SYT8: variants seen among roughly 807,000 people sequenced by gnomAD.
The protein encoded by SYT8 is synaptotagmin 8, also known as synaptotagmin-8.
Under a neutral mutation model 34.9 loss-of-function variants are expected in SYT8, and 50 were observed. That is an observed-to-expected ratio of 1.43 (90% CI 1.14 to 1.81). SYT8 has a LOEUF of 1.81. Ranked by LOEUF, SYT8 falls within the 40% of genes most tolerant of loss-of-function variation. The pLI is 0.00. For missense variants in SYT8, 595 were observed against 529.0 expected (o/e 1.12, Z -1.22); for synonymous variants, 255 against 234.2 (o/e 1.09, Z -0.81).
chr11:1,834,812 A>G, upstream of SYT8: 1 of 662,156 alleles, frequency 1.5e-6, no homozygotes, highest in Non-Finnish European at 2.6e-6. The surrounding 1 kb of genome is among the most constrained non-coding windows in gnomAD (Gnocchi z 4.5). Context: ...GGCAGGGACT[A>G]GGCTGCCCAG....
chr11:1,834,150 T>G, upstream of SYT8: 1 of 238,132 alleles, frequency 4.2e-6, no homozygotes. This position sits in a 1 kb window ranked among gnomAD's most constrained non-coding sequence, Gnocchi z 4.5. Context: ...ACCCTGGGCC[T>G]GGGGTCACCG....
chr11:1,835,714 T>C, intron 2 of SYT8, 172 bp from the exon 3 acceptor site: 1 of 751,296 alleles, frequency 1.3e-6, no homozygotes. Flanking sequence ...TGCCACGTTT[T>C]GGGTGGGTTT....
upstream of SYT8, among the ~76,000 whole-genome samples, chr11:1,832,516 C>T (rs556221040): frequency 2.4e-4 from 36 of 152,298 alleles, no homozygotes; most frequent in African/African-American, 8.4e-4. Context: ...GGGGGATTCC[C>T]AGATCTGGGA....
upstream of SYT8, chr11:1,834,869 G>T (rs1846813836): frequency 3.2e-6 from 2 of 626,072 alleles, no homozygotes. The surrounding 1 kb of genome is among the most constrained non-coding windows in gnomAD (Gnocchi z 4.5). Context: ...AGGTGGCTGG[G>T]AGGCTGGGCC....
chr11:1,835,716 G>T, intron 2 of SYT8, 170 bp from the exon 3 acceptor site: 1 of 757,206 alleles, frequency 1.3e-6, no homozygotes, highest in Non-Finnish European at 2.2e-6. Context: ...CCACGTTTTG[G>T]GTGGGTTTGG....
Position 1,835,175 on chromosome 11 carries a change from C to T in SYT8, c.70C>T (p.Pro24Ser), listed in dbSNP as rs1164572680. ...AGTTAIPGLI[P>S]DLVAGTPWPR... Reference sequence around the variant, plus strand: ...CACCACAGCTATACCTGGGCTTATTCCAGACCTTGTCGCCGGGACCCCCTG... The same window carrying T: ...CACCACAGCTATACCTGGGCTTATTTCAGACCTTGTCGCCGGGACCCCCTG... Residue 24 changes from proline (P) to serine (S), a missense_variant, in exon 1 of 8, where the codon CCA becomes TCA. Physicochemically the swap from Pro to Ser is moderately conservative, Grantham distance 74 (BLOSUM62 -1). Transcript: ENST00000341958. 2 of 1,613,434 alleles carry T rather than the reference C, an allele frequency of 1.2e-6. No individual in the cohort carries two copies. Among genetic ancestry groups the T allele is most frequent in the African/African-American group, 1.3e-5 (1 of 75,062 alleles).
At chr11:1,832,029 A>G, upstream of SYT8, 1 of 338,108 alleles carries the variant, frequency 3.0e-6, no homozygotes, top group Non-Finnish European at 6.0e-6. Context: ...CCTGGAGGGA[A>G]GCATTAGCAA....
At chr11:1,835,512 T>A in intron 2 of SYT8, 53 bp downstream of exon 2, 1 of 1,596,386 alleles carries the variant, frequency 6.3e-7, no homozygotes, top group Non-Finnish European at 8.5e-7. Flanking sequence ...AAATCCAGGC[T>A]CCAGAGCCCA....
Position 1,836,694 on chromosome 11 carries a change from G to T in SYT8, c.685-62G>T, listed in dbSNP as rs1589791264. 8.1e-6 allele frequency: 13 copies of T among 1,595,300 alleles called. 1 individual carries two copies. In the South Asian group the frequency reaches 1.3e-4, roughly 16 times the overall value. On this transcript the variant is annotated intron_variant, in intron 5 of 7. Coordinates refer to ENST00000341958, the MANE Select transcript of SYT8 (RefSeq NM_001394072.1). ...GGCCTGATGGGCAGCATTTTCGGGG[G>T]TCTGAGCCCCAACTCGGCCAGAATC...
At position 1,837,420 on chromosome 11, in the gene SYT8, C is replaced by A. The variant is rs775248306; in HGVS notation, c.1153C>A (p.Pro385Thr). The A allele has an allele frequency of 1.2e-6, 2 of 1,605,774 alleles. No individual in the cohort carries two copies. The highest frequency in any genetic ancestry group is 2.2e-5 in the South Asian group (2 of 91,024). ...CCGCCTTCGCCTGCGCCTGCCCTTG[C>A]CCCACTCCTGAATGCACCACATGCC... is the stretch of plus-strand genomic sequence containing the variant. Reference protein sequence around the residue: ...QPRLRLRLPLPHS With the variant: ...QPRLRLRLPLTHS Residue 385 changes from proline to threonine, a missense_variant, in exon 8 of 8, where the codon CCC becomes ACC. Pro to Thr is a conservative substitution (Grantham distance 38). Coordinates refer to ENST00000341958, the MANE Select transcript of SYT8 (RefSeq NM_001394072.1).
rs1337627204 is a variant in SYT8 at position 1,837,074 on chromosome 11, C to T, written c.908C>T (p.Pro303Leu). The T allele has an allele frequency of 6.2e-7, 1 of 1,613,750 alleles. No homozygotes were observed. Among genetic ancestry groups the T allele is most frequent in the South Asian group, 1.1e-5 (1 of 91,082 alleles). ...AATGAGGCCTTCACCTTCCTGGTGC[C>T]CTTCAGCCAGGTCCAGGTGGGCCAC... ...YFNEAFTFLV[P>L]FSQVQNVDLV... Residue 303 changes from proline to leucine, a missense_variant, in exon 7 of 8, where the codon CCC becomes CTC. By Grantham distance (98) the Pro-to-Leu change is moderately conservative. Coordinates refer to ENST00000341958, the MANE Select transcript of SYT8 (RefSeq NM_001394072.1).
Position 1,835,337 on chromosome 11 carries a change from G to T in SYT8, c.136G>T (p.Val46Phe). The stretch of plus-strand genomic sequence containing the variant: ...CATTGCCGGCGCCCTTGCCGCGGGC[G>T]TCCTCCTCGTCTCCTGCCTCCTCTG... ...ALIAGALAAG[V>F]LLVSCLLCAA... Residue 46 changes from valine (V) to phenylalanine (F), a missense_variant, in exon 2 of 8, where the codon GTC becomes TTC. Coordinates refer to ENST00000341958, the MANE Select transcript of SYT8 (RefSeq NM_001394072.1). 1 of 1,602,428 alleles carries T rather than the reference G, an allele frequency of 6.2e-7. No homozygotes were observed. The highest frequency in any genetic ancestry group is 8.5e-7 in the Non-Finnish European group (1 of 1,175,680).
Position 1,836,493 on chromosome 11 carries a change from G to A in SYT8, c.585G>A (p.Gly195=). ...TTTTCAACTTCAAGCGCTTCTCGGG[G>A]CATGAGCCCCTGGGTGAGCTCCGTC... The part of the protein sequence containing the change: ...VQLFNFKRFS[G]HEPLGELRLP... Residue 195 remains glycine (G), a synonymous_variant, in exon 5 of 8, where the codon GGG becomes GGA. Coordinates refer to ENST00000341958, the MANE Select transcript of SYT8 (RefSeq NM_001394072.1). The A allele has an allele frequency of 6.2e-7, 1 of 1,612,182 alleles. No individual in the cohort carries two copies. Among genetic ancestry groups the A allele is most frequent in the Non-Finnish European group, 8.5e-7 (1 of 1,179,768 alleles).
rs570595305 is a variant in SYT8, at chr11:1,835,284, C to T, written c.95-12C>T. On this transcript the variant is annotated splice_polypyrimidine_tract_variant and intron_variant, in intron 1 of 7. Coordinates refer to ENST00000341958, the MANE Select transcript of SYT8 (RefSeq NM_001394072.1). ...CTGTCCACAGATGCACTCAGCCTGG[C>T]CTCTACCCCAGGGCCCCGCTGGGCT... is the stretch of plus-strand genomic sequence containing the variant. The T allele has an allele frequency of 6.2e-7, 1 of 1,600,048 alleles. No individual in the cohort carries two copies. Among genetic ancestry groups the T allele is most frequent in the South Asian group, 1.1e-5 (1 of 89,964 alleles).
At chr11:1,834,895 G>A, upstream of SYT8, 1 of 630,920 alleles carries the variant, frequency 1.6e-6, no homozygotes, top group Non-Finnish European at 2.7e-6. This position sits in a 1 kb window ranked among gnomAD's most constrained non-coding sequence, Gnocchi z 4.5. Flanking sequence ...AGCTAAGCTG[G>A]AGCTTTGGCC....
rs144151454 is a variant in SYT8 at position 1,835,657 on chromosome 11, C to T, written c.258+198C>T. The T allele has an allele frequency of 1.7e-4, 128 of 753,066 alleles. No homozygotes were observed. In the East Asian group the frequency reaches 1.9e-3, roughly 11 times the overall value. The allele number at this position is 753,066 out of a possible 1,614,324, so 46.6% of individuals were successfully genotyped here. A position where few individuals can be genotyped will look rare whatever the true frequency, so the allele number is the denominator to read the frequency against. On this transcript the variant is annotated intron_variant, in intron 2 of 7. Coordinates refer to ENST00000341958, the MANE Select transcript of SYT8 (RefSeq NM_001394072.1). ...TGCAACAGGGGCTGCCCCATGGGCC[C>T]GAGGGAGCCACAGCGGGTTCTTGAG...
intron 2 of SYT8, 170 bp downstream of exon 2, chr11:1,835,629 C>A: frequency 1.2e-6 from 1 of 850,024 alleles, no homozygotes. Context: ...GAGAAGGAGG[C>A]CATGCAACAG....
In SYT8 at chr11:1,837,435, C is replaced by G. The variant is rs761177864; in HGVS notation, c.*4C>G. ...CCTGCCCTTGCCCCACTCCTGAATG[C>G]ACCACATGCCTCTGTCTCCCCGCTG... On this transcript the variant is annotated 3_prime_UTR_variant, in exon 8 of 8. Coordinates refer to ENST00000341958, the MANE Select transcript of SYT8 (RefSeq NM_001394072.1). The G allele has an allele frequency of 1.2e-6, 2 of 1,605,014 alleles. No individual in the cohort carries two copies. The highest frequency in any genetic ancestry group is 1.7e-6 in the Non-Finnish European group (2 of 1,179,234).
chr11:1,835,329 C>G lies in SYT8; in HGVS notation c.128C>G (p.Ala43Gly). 6.2e-7 allele frequency: 1 copy of G among 1,600,934 alleles called. No individual in the cohort carries two copies. Among genetic ancestry groups the G allele is most frequent in the Non-Finnish European group, 8.5e-7 (1 of 1,174,034 alleles). The change falls in exon 2 of 8, where the codon GCC becomes GGC. Residue 43 changes from alanine to glycine, a missense_variant. By Grantham distance (60) the Ala-to-Gly change is moderately conservative (BLOSUM62 0). Coordinates refer to ENST00000341958, the MANE Select transcript of SYT8 (RefSeq NM_001394072.1). ...PRWALIAGAL[A>G]AGVLLVSCLL... ...TGGGCTCTCATTGCCGGCGCCCTTGCCGCGGGCGTCCTCCTCGTCTCCTGC... is the reference window on the plus strand; with the variant it reads ...TGGGCTCTCATTGCCGGCGCCCTTGGCGCGGGCGTCCTCCTCGTCTCCTGC...
Sources: gnomAD v4.1 joint callset for allele counts (sites outside exome capture counted in the v4.1 genomes callset) on GRCh38, gnomAD v4.1.1 for gene constraint, Gnocchi (gnomAD v3.1) non-coding constraint, MANE v1.5 for transcripts, NCBI Gene and HGNC (gene_info 2026-07-23, HGNC 2026-07-21) for gene names.